RLN1: variants seen among roughly 807,000 people sequenced by gnomAD.
The protein encoded by RLN1 is relaxin 1.
RLN1 carries 4 observed loss-of-function variants against 7.2 expected under a neutral mutation model. The ratio of observed to expected loss-of-function variants is 0.56; its 90% confidence interval spans 0.28 to 1.28. The LOEUF is 1.28. Among genes scored for constraint, RLN1 ranks in the 50% most tolerant of loss-of-function variants. The pLI, the probability that RLN1 is intolerant of heterozygous loss-of-function variation, is 0.11. For missense variants in RLN1, 293 were observed against 221.1 expected (o/e 1.32, Z -2.06); for synonymous variants, 105 against 86.0 (o/e 1.22, Z -1.22).
At chr9:5,338,156 G>C (rs28713722) in intron 1 of RLN1, among the ~76,000 whole-genome samples, 76,586 of 112,270 alleles carry the variant, frequency 0.68, 26,407 homozygotes, top group South Asian at 0.8. Context: ...CATTTTTCAC[G>C]CTGCATTAAT....
chr9:5,339,759 C>T lies in RLN1; in HGVS notation c.-13G>A, dbSNP rs1332621687. ...ACAGGCGAGGCATCCTGGGCCTGGT[C>T]TCTCCTGGAGGTCTGGGTGTTGCAG... On this transcript the variant is annotated 5_prime_UTR_variant, in exon 1 of 2. Coordinates refer to ENST00000223862, the MANE Select transcript of RLN1 (RefSeq NM_006911.4). The T allele has an allele frequency of 6.2e-7, 1 of 1,613,510 alleles. No individual in the cohort carries two copies. Among genetic ancestry groups the T allele is most frequent in the Admixed American group, 1.7e-5 (1 of 60,014 alleles).
upstream of RLN1, among the ~76,000 whole-genome samples, chr9:5,340,247 G>T (rs868709130): frequency 3.3e-5 from 5 of 152,054 alleles, no homozygotes; most frequent in Non-Finnish European, 5.9e-5. Flanking sequence ...TATAATGTTG[G>T]GCATATCAAT....
chr9:5,339,883 T>C (rs369714572), upstream of RLN1: 3 of 828,494 alleles, frequency 3.6e-6, no homozygotes, highest in East Asian at 7.7e-5. Context: ...CAGTCTTTAG[T>C]ATGGGCTATC....
At position 5,339,737 on chromosome 9, in the gene RLN1, G is replaced by A. The variant is rs767216508; in HGVS notation, c.10C>T (p.Leu4=). MPR[L]FLFHLLEFCL... is the part of the protein sequence containing the mutation. ...AATTCTAGCAGGTGGAACAAGAACAGGCGAGGCATCCTGGGCCTGGTCTCT... is the reference window on the plus strand; with the variant it reads ...AATTCTAGCAGGTGGAACAAGAACAAGCGAGGCATCCTGGGCCTGGTCTCT... The change falls in exon 1 of 2, where the codon CTG becomes TTG. Residue 4 remains leucine (L), a synonymous_variant. Transcript: ENST00000223862. The A allele has an allele frequency of 2.5e-6, 4 of 1,613,658 alleles. No homozygotes were observed. The highest frequency in any genetic ancestry group is 2.2e-5 in the East Asian group (1 of 44,884).
At chr9:5,336,943 T>G (rs1196656897) in intron 1 of RLN1, among the ~76,000 whole-genome samples, 1 of 152,018 alleles carries the variant, frequency 6.6e-6, no homozygotes, top group East Asian at 1.9e-4. Flanking sequence ...GTTGTTCTCC[T>G]TTTACCAACA....
At position 5,335,071 on chromosome 9, in the gene RLN1, T is replaced by C; in HGVS notation, c.*180A>G. 2 of 494,190 alleles carry C rather than the reference T, an allele frequency of 4.0e-6. No homozygotes were observed. Among genetic ancestry groups the C allele is most frequent in the Admixed American group, 7.5e-5 (2 of 26,736 alleles). 30.6% of individuals were successfully genotyped at this position (494,190 alleles called of 1,614,324 possible). A position where few individuals can be genotyped will look rare whatever the true frequency, so the allele number is the denominator to read the frequency against. On this transcript the variant is annotated 3_prime_UTR_variant, in exon 2 of 2. Coordinates refer to ENST00000223862, the MANE Select transcript of RLN1 (RefSeq NM_006911.4). The stretch of plus-strand genomic sequence containing the variant: ...GACAAAAAGACTTCAGCATAGAAAG[T>C]GTCATTTACAGAAACTACAATCATA...
rs372854927 is a variant in RLN1 at position 5,335,393 on chromosome 9, T to C, written c.416A>G (p.Glu139Gly). Reference sequence around the variant, plus strand: ...TTCTGAAGGATTGCTGTCTGCGGCTTCACTTTGCCTATTGCGAATAAGTTT... The same window carrying C: ...TTCTGAAGGATTGCTGTCTGCGGCTCCACTTTGCCTATTGCGAATAAGTTT... Reference protein sequence around the residue: ...FKKLIRNRQSEAADSNPSELK... With the variant: ...FKKLIRNRQSGAADSNPSELK... Residue 139 changes from glutamate to glycine, a missense_variant, in exon 2 of 2, where the codon GAA becomes GGA. Transcript: ENST00000223862. 1.2e-5 allele frequency: 19 copies of C among 1,613,624 alleles called. No homozygotes were observed. In the African/African-American group the frequency reaches 2.1e-4, roughly 18 times the overall value.
At position 5,335,363 on chromosome 9, in the gene RLN1, T is replaced by C. The variant is rs1450787949; in HGVS notation, c.446A>G (p.Lys149Arg). Reference protein sequence around the residue: ...EAADSNPSELKYLGLDTHSQK... With the variant: ...EAADSNPSELRYLGLDTHSQK... ...AGAATGAGTATCCAAGCCTAAGTATTTTAATTCTGAAGGATTGCTGTCTGC... is the reference window on the plus strand; with the variant it reads ...AGAATGAGTATCCAAGCCTAAGTATCTTAATTCTGAAGGATTGCTGTCTGC... Residue 149 changes from lysine (K) to arginine (R), a missense_variant, in exon 2 of 2, where the codon AAA becomes AGA. Lys to Arg is a conservative substitution (Grantham distance 26, BLOSUM62 2). Transcript: ENST00000223862. 50 of 1,613,624 alleles carry C rather than the reference T, an allele frequency of 3.1e-5. No individual in the cohort carries two copies. The highest frequency in any genetic ancestry group is 4.2e-5 in the Non-Finnish European group (50 of 1,179,730).
Position 5,335,451 on chromosome 9 carries a change from T to C in RLN1, c.358A>G (p.Lys120Glu). ...TCTTCAAAGCTAAGATTGGAATCCT[T>C]TAATGCAGGTACATACTGCTGTAGC... is the stretch of plus-strand genomic sequence containing the variant. ...PELQQYVPAL[K>E]DSNLSFEEFK... Residue 120 changes from lysine to glutamate, a missense_variant, in exon 2 of 2, where the codon AAG becomes GAG. Physicochemically the swap from Lys to Glu is moderately conservative, Grantham distance 56. Coordinates refer to ENST00000223862, the MANE Select transcript of RLN1 (RefSeq NM_006911.4). 6.2e-7 allele frequency: 1 copy of C among 1,613,758 alleles called. No homozygotes were observed.
At position 5,339,782 on chromosome 9, in the gene RLN1, C is replaced by A; in HGVS notation, c.-36G>T. On this transcript the variant is annotated 5_prime_UTR_variant, in exon 1 of 2. Transcript: ENST00000223862. ...GTCTCTCCTGGAGGTCTGGGTGTTGCAGCCTTTCAGGACTGCGGCTGCTGT... is the reference window on the plus strand; with the variant it reads ...GTCTCTCCTGGAGGTCTGGGTGTTGAAGCCTTTCAGGACTGCGGCTGCTGT... 2 of 1,607,496 alleles carry A rather than the reference C, an allele frequency of 1.2e-6. No individual in the cohort carries two copies. The highest frequency in any genetic ancestry group is 2.7e-5 in the African/African-American group (2 of 74,306).
Position 5,337,809 on chromosome 9 carries a change from CT to C in RLN1, c.211+1726del, listed in dbSNP as rs1165719280. ...AATACTTTGAAATCTCATGTCTCTT[CT>C]AAAGAAATAAAAGTGTAGCTAAATA... On this transcript the variant is annotated intron_variant, in intron 1 of 1. Coordinates refer to ENST00000223862, the MANE Select transcript of RLN1 (RefSeq NM_006911.4). Among the ~76,000 whole-genome samples the C allele has an allele frequency of 7.9e-5, 12 of 152,028 alleles. No homozygotes were observed. The East Asian group carries it at 2.3e-3, about 29-fold the overall frequency.
At chr9:5,339,423 G>A in intron 1 of RLN1, 113 bp downstream of exon 1, 1 of 677,852 alleles carries the variant, frequency 1.5e-6, no homozygotes, top group South Asian at 1.8e-5. Flanking sequence ...GCTGAGCGGT[G>A]GCAGCCAATG....
intron 1 of RLN1, among the ~76,000 whole-genome samples, chr9:5,336,885 G>C (rs919371079): frequency 6.6e-6 from 1 of 151,944 alleles, no homozygotes; most frequent in Non-Finnish European, 1.5e-5. Context: ...CCTAGACAGC[G>C]GTAGTTCTGG....
Position 5,335,522 on chromosome 9 carries a change from G to A in RLN1, c.287C>T (p.Pro96Leu), listed in dbSNP as rs779852847. The A allele has an allele frequency of 3.5e-5, 56 of 1,612,844 alleles. No homozygotes were observed. The highest frequency in any genetic ancestry group is 5.5e-5 in the South Asian group (5 of 91,002). ...CTCAGATAGGGCTGCCTTCAGCTCC[G>A]GTGGCAAATTAGCAATGAATTCCAA... Reference protein sequence around the residue: ...IMLEFIANLPPELKAALSERQ... With the variant: ...IMLEFIANLPLELKAALSERQ... Residue 96 changes from proline (P) to leucine (L), a missense_variant, in exon 2 of 2, where the codon CCG becomes CTG. By Grantham distance (98) the Pro-to-Leu change is moderately conservative. Coordinates refer to ENST00000223862, the MANE Select transcript of RLN1 (RefSeq NM_006911.4).
At chr9:5,335,887 T>C (rs556110450) in intron 1 of RLN1, among the ~76,000 whole-genome samples, 35 of 152,144 alleles carry the variant, frequency 2.3e-4, no homozygotes, top group African/African-American at 8.0e-4. Flanking sequence ...TCCCTGACAT[T>C]ACTCTGTCAT....
intron 1 of RLN1, among the ~76,000 whole-genome samples, chr9:5,336,866 G>C (rs143649891): frequency 6.6e-6 from 1 of 151,910 alleles, no homozygotes; most frequent in Admixed American, 6.6e-5. Context: ...AGGAAACCAC[G>C]ACCCTTCACC....
At chr9:5,339,322 G>GGAC in intron 1 of RLN1, 1 of 446,506 alleles carries the variant, frequency 2.2e-6, no homozygotes, top group Non-Finnish European at 3.8e-6. Context: ...CTTTCCCTCC[G>GGAC]TCCGGTGAGA....
intron 1 of RLN1, among the ~76,000 whole-genome samples, chr9:5,335,828 G>A (rs557214445): frequency 5.3e-5 from 8 of 151,782 alleles, no homozygotes; most frequent in Admixed American, 3.3e-4. Flanking sequence ...GTCCTCTCTC[G>A]TCTCTCTTCA....
rs774686362 is a variant in RLN1 at position 5,339,780 on chromosome 9, T to G, written c.-34A>C. ...TGGTCTCTCCTGGAGGTCTGGGTGTTGCAGCCTTTCAGGACTGCGGCTGCT... is the reference window on the plus strand; with the variant it reads ...TGGTCTCTCCTGGAGGTCTGGGTGTGGCAGCCTTTCAGGACTGCGGCTGCT... On this transcript the variant is annotated 5_prime_UTR_variant, in exon 1 of 2. Transcript: ENST00000223862. 4 of 1,609,478 alleles carry G rather than the reference T, an allele frequency of 2.5e-6. No homozygotes were observed. The highest frequency in any genetic ancestry group is 2.2e-5 in the East Asian group (1 of 44,856).
Sources: allele counts gnomAD v4.1 joint callset (sites outside exome capture counted in the v4.1 genomes callset), GRCh38; gene constraint gnomAD v4.1.1; transcripts MANE v1.5; gene names NCBI Gene and HGNC (gene_info 2026-07-23, HGNC 2026-07-21).